Variants in ZNF644 observed in about 807,000 individuals in gnomAD.
ZNF644 encodes zinc finger protein 644.
In ZNF644, 20 loss-of-function variants were observed where a neutral mutation model predicts 108.0. The observed-to-expected ratio is 0.19, with a 90% CI of 0.13 to 0.27. The LOEUF is 0.27. Ranked by LOEUF, ZNF644 falls within the 10% of genes least tolerant of loss-of-function variation. The pLI is 1.00. For missense variants in ZNF644, 1,338 were observed against 1,548.9 expected, an observed-to-expected ratio of 0.86 and a Z score of 2.29; for synonymous variants, 542 against 539.1, an observed-to-expected ratio of 1.01 and a Z score of -0.08.
intron 2 of ZNF644, among the ~76,000 whole-genome samples, chr1:90,974,943 T>G (rs1655849962): frequency 6.6e-6 from 1 of 152,204 alleles, no homozygotes; most frequent in Non-Finnish European, 1.5e-5. Flanking sequence ...ATTCAAAACT[T>G]ACATTTATTT....
intron 2 of ZNF644, among the ~76,000 whole-genome samples, chr1:90,957,415 A>G (rs926159787): frequency 1.3e-5 from 2 of 152,198 alleles, no homozygotes; most frequent in African/African-American, 4.8e-5. Context: ...CAGCATATTA[A>G]AAGTATCATA....
intron 4 of ZNF644, among the ~76,000 whole-genome samples, chr1:90,930,068 C>T (rs894670794): frequency 5.9e-5 from 9 of 152,188 alleles, no homozygotes; most frequent in African/African-American, 2.2e-4. Context: ...GGGTGGATCA[C>T]CTAAAGTCAG....
At chr1:90,956,984 T>A (rs967587064) in intron 2 of ZNF644, among the ~76,000 whole-genome samples, 1 of 152,066 alleles carries the variant, frequency 6.6e-6, no homozygotes, top group African/African-American at 2.4e-5. Context: ...GGTACCAACC[T>A]TAAAAATTAA....
Position 90,939,276 on chromosome 1 carries a change from T to C in ZNF644, c.2078A>G (p.Gln693Arg), listed in dbSNP as rs748418345. ...RIQKARKSIA[Q>R]SGVNMCNQNS... is the part of the protein sequence containing the mutation. ...TTGATTGCACATGTTTACACCTGATTGGGCAATGCTTTTCCGAGCTTTCTG... is the reference window on the plus strand; with the variant it reads ...TTGATTGCACATGTTTACACCTGATCGGGCAATGCTTTTCCGAGCTTTCTG... Residue 693 changes from glutamine to arginine, a missense_variant, in exon 3 of 6, where the codon CAA (glutamine) becomes CGA (arginine). Transcript: ENST00000337393. The C allele has an allele frequency of 3.1e-6, 5 of 1,614,092 alleles. No homozygotes were observed. Among genetic ancestry groups the C allele is most frequent in the Non-Finnish European group, 4.2e-6 (5 of 1,179,950 alleles).
intron 2 of ZNF644, among the ~76,000 whole-genome samples, chr1:90,950,830 T>C (rs1164776060): frequency 6.6e-6 from 1 of 152,160 alleles, no homozygotes; most frequent in African/African-American, 2.4e-5. Flanking sequence ...CAAGTATTAA[T>C]TTCTAGTTCC....
At chr1:90,952,612 A>C (rs1483067840) in intron 2 of ZNF644, among the ~76,000 whole-genome samples, 2 of 152,318 alleles carry the variant, frequency 1.3e-5, no homozygotes, top group African/African-American at 4.8e-5. Context: ...ATACAATTAA[A>C]GAGATAATTA....
intron 1 of ZNF644, among the ~76,000 whole-genome samples, chr1:90,999,981 G>A (rs369406529): frequency 2.6e-5 from 4 of 152,148 alleles, no homozygotes; most frequent in African/African-American, 9.7e-5. Context: ...TTAACAAGAA[G>A]AGCTAACTAT....
At chr1:90,969,126 T>A (rs1387113142) in intron 2 of ZNF644, among the ~76,000 whole-genome samples, 1 of 152,188 alleles carries the variant, frequency 6.6e-6, no homozygotes, top group Non-Finnish European at 1.5e-5. Context: ...ATTCATATGT[T>A]GAAGCCCTAG....
chr1:90,983,395 C>T (rs1007709577), intron 1 of ZNF644, among the ~76,000 whole-genome samples: 16 of 149,846 alleles, frequency 1.1e-4, no homozygotes, highest in Admixed American at 6.7e-4. Flanking sequence ...CTATTATAAA[C>T]GACTGAGTGG....
chr1:90,964,255 A>G (rs903419318), intron 2 of ZNF644, among the ~76,000 whole-genome samples: 1 of 152,090 alleles, frequency 6.6e-6, no homozygotes, highest in Admixed American at 6.6e-5. Flanking sequence ...AGTTTATATA[A>G]GAGAAAATAA....
In ZNF644 at chr1:90,916,414, T is replaced by C. The variant is rs1648767626; in HGVS notation, c.*384A>G. ...CATACAAACAAAATATAATATCTTA[T>C]TTTTCTATGCAAGTCTTGTGGGGAA... On this transcript the variant is annotated 3_prime_UTR_variant, in exon 6 of 6. Transcript: ENST00000337393. The C allele has an allele frequency of 4.8e-6, 1 of 206,286 alleles. No homozygotes were observed. Among genetic ancestry groups the C allele is most frequent in the Admixed American group, 5.3e-5 (1 of 18,822 alleles). The allele number at this position is 206,286 out of a possible 1,614,324, so 12.8% of individuals were successfully genotyped here.
chr1:91,017,736 T>C (rs1051741517), intron 1 of ZNF644, among the ~76,000 whole-genome samples: 3 of 152,020 alleles, frequency 2.0e-5, no homozygotes, highest in Non-Finnish European at 4.4e-5. Context: ...CCAAGGCGGG[T>C]GAATCACCTG....
At chr1:90,922,530 A>T (rs1219592765) in intron 4 of ZNF644, among the ~76,000 whole-genome samples, 2 of 152,100 alleles carry the variant, frequency 1.3e-5, no homozygotes, top group Non-Finnish European at 1.5e-5. Flanking sequence ...GTGAGGTGGG[A>T]AGAGGATGCA....
chr1:90,996,191 C>A (rs1053968283), intron 1 of ZNF644, among the ~76,000 whole-genome samples: 5 of 152,102 alleles, frequency 3.3e-5, no homozygotes, highest in African/African-American at 1.2e-4. Context: ...TATTTGCCAA[C>A]TATATACTTA....
At chr1:90,959,424 A>T (rs1654097622) in intron 2 of ZNF644, among the ~76,000 whole-genome samples, 1 of 152,184 alleles carries the variant, frequency 6.6e-6, no homozygotes, top group Non-Finnish European at 1.5e-5. Context: ...ATGTAAACTC[A>T]TGTCCACAGA....
rs1427511037 is a variant in ZNF644 at position 90,938,415 on chromosome 1, T to C, written c.2939A>G (p.Asn980Ser). 1 of 1,613,980 alleles carries C rather than the reference T, an allele frequency of 6.2e-7. No individual in the cohort carries two copies. The highest frequency in any genetic ancestry group is 1.1e-5 in the South Asian group (1 of 91,058). The change falls in exon 3 of 6, where the codon AAT (asparagine) becomes AGT (serine). Residue 980 changes from asparagine to serine, a missense_variant. Coordinates refer to ENST00000337393, the MANE Select transcript of ZNF644 (RefSeq NM_201269.3). This position sits in a 1 kb window ranked among gnomAD's most constrained non-coding sequence, Gnocchi z 4.2. ...TCTGTGAAGATGCCCCCTGACATGA[T>C]TTGATAACCCAACACCTGTTTCAAA... ...ATFETGVGLS[N>S]HVRGHLHRAG...
chr1:90,937,685 C>T lies in ZNF644; in HGVS notation c.3488G>A (p.Gly1163Glu). 6.2e-7 allele frequency: 1 copy of T among 1,613,796 alleles called. No individual in the cohort carries two copies. The highest frequency in any genetic ancestry group is 2.2e-5 in the East Asian group (1 of 44,848). Residue 1163 changes from glycine to glutamate, a missense_variant, in exon 4 of 6, where the codon GGG (glycine) becomes GAG (glutamate). Transcript: ENST00000337393. ...YDETKPELPS[G>E]KKNQSLTLIE... ...GAGTGTAAGAGACTGATTCTTTTTC[C>T]CACTGGGCAGTTCTGGTTTTGTTTC...
At chr1:90,974,132 C>T (rs1655769759) in intron 2 of ZNF644, among the ~76,000 whole-genome samples, 1 of 152,000 alleles carries the variant, frequency 6.6e-6, no homozygotes, top group African/African-American at 2.4e-5. Context: ...TAGATCATAC[C>T]CTTTTGTCCT....
intron 4 of ZNF644, among the ~76,000 whole-genome samples, chr1:90,929,777 A>G (rs962381519): frequency 2.6e-5 from 4 of 152,196 alleles, no homozygotes; most frequent in African/African-American, 7.2e-5. Context: ...TGTGTGGCCA[A>G]TTATATCATT....
Sources: allele counts gnomAD v4.1 joint callset (sites outside exome capture counted in the v4.1 genomes callset), GRCh38; gene constraint gnomAD v4.1.1; non-coding constraint Gnocchi (gnomAD v3.1); transcripts MANE v1.5; gene names NCBI Gene and HGNC (gene_info 2026-07-23, HGNC 2026-07-21).